CNGA4: variants seen among roughly 807,000 people sequenced by gnomAD.
CNGA4 encodes the protein cyclic nucleotide-gated channel alpha-4.
A neutral mutation model predicts 45.6 loss-of-function variants in CNGA4; 32 were observed. The ratio of observed to expected loss-of-function variants is 0.70; its 90% CI spans 0.53 to 0.94. CNGA4 has a LOEUF of 0.94. Ranked by LOEUF, CNGA4 falls within the 40% of genes least tolerant of loss-of-function variation. CNGA4 has a pLI of 0.00. For missense variants in CNGA4, 726 were observed against 755.1 expected (o/e 0.96, Z 0.45); for synonymous variants, 293 against 304.6 (o/e 0.96, Z 0.40).
In CNGA4 at chr11:6,244,201, T is replaced by A. The variant is rs777484895; in HGVS notation, c.1520T>A (p.Leu507Gln). ...GGCCTAGACCAGCAGCTGGATGATCTACAGACCAAGTTTGCTCGCCTCCTG... is the reference window on the plus strand; with the variant it reads ...GGCCTAGACCAGCAGCTGGATGATCAACAGACCAAGTTTGCTCGCCTCCTG... ...LRGLDQQLDD[L>Q]QTKFARLLAE... Residue 507 changes from leucine (L) to glutamine (Q), a missense_variant, in exon 6 of 6, where the codon CTA becomes CAA. Transcript: ENST00000379936. This position sits in a 1 kb window ranked among gnomAD's most constrained non-coding sequence, Gnocchi z 4.5. 10 of 1,614,190 alleles carry A rather than the reference T, an allele frequency of 6.2e-6. No individual in the cohort carries two copies. Among genetic ancestry groups the A allele is most frequent in the Admixed American group, 3.3e-5 (2 of 60,028 alleles).
At position 6,240,480 on chromosome 11, in the gene CNGA4, T is replaced by C. The variant is rs938566467; in HGVS notation, c.686T>C (p.Leu229Pro). Residue 229 changes from leucine to proline, a missense_variant, in exon 4 of 6, where the codon CTG (leucine) becomes CCG (proline). By Grantham distance (98) the Leu-to-Pro change is moderately conservative (BLOSUM62 -3). Coordinates refer to ENST00000379936, the MANE Select transcript of CNGA4 (RefSeq NM_001037329.4). This position sits in a 1 kb window ranked among gnomAD's most constrained non-coding sequence, Gnocchi z 4.9. Reference sequence around the variant, plus strand: ...AGCTTTTACTTCTCCACGCTGATACTGACTACAGTGGGCGATACACCGCCG... The same window carrying C: ...AGCTTTTACTTCTCCACGCTGATACCGACTACAGTGGGCGATACACCGCCG... ...LYSFYFSTLI[L>P]TTVGDTPPPA... The C allele has an allele frequency of 1.9e-6, 3 of 1,614,096 alleles. No homozygotes were observed. The African/African-American group carries it at 4.0e-5, about 22-fold the overall frequency.
At chr11:6,235,463 G>A (rs997636852), upstream of CNGA4, 1 of 985,150 alleles carries the variant, frequency 1.0e-6, no homozygotes, top group Non-Finnish European at 1.2e-6. Flanking sequence ...TTACTACGGG[G>A]GCCACCTAGG....
upstream of CNGA4, chr11:6,234,886 T>G (rs1266935378): frequency 6.5e-6 from 1 of 152,724 alleles, no homozygotes; most frequent in African/African-American, 2.4e-5. Context: ...TCAGAAGGAC[T>G]CCGGCGTGTC....
upstream of CNGA4, among the ~76,000 whole-genome samples, chr11:6,237,595 G>A (rs114017998): frequency 2.8e-3 from 427 of 151,962 alleles, 4 homozygotes; most frequent in African/African-American, 9.7e-3. Flanking sequence ...AGACAGAGGA[G>A]CTTATGAAAG....
chr11:6,241,918 A>G (rs1218547558), intron 5 of CNGA4, 138 bp downstream of exon 5: 10 of 715,224 alleles, frequency 1.4e-5, no homozygotes, highest in Admixed American at 2.7e-5. Flanking sequence ...GAGTCACTAG[A>G]TGGCTCAGGA....
rs775604668 is a variant in CNGA4 at position 6,240,694 on chromosome 11, G to A, written c.900G>A (p.Glu300=). The A allele has an allele frequency of 5.0e-6, 8 of 1,612,966 alleles. No homozygotes were observed. In the African/African-American group the frequency reaches 1.1e-4, roughly 22 times the overall value. The change falls in exon 4 of 6, where the codon GAG becomes GAA. Residue 300 remains glutamate, a synonymous_variant. Coordinates refer to ENST00000379936, the MANE Select transcript of CNGA4 (RefSeq NM_001037329.4). The surrounding 1 kb of genome is among the most constrained non-coding windows in gnomAD (Gnocchi z 4.9). ...MKLQHVNRKL[E]RRVIDWYQHL... Reference sequence around the variant, plus strand: ...TGCAGCACGTCAACCGCAAGCTGGAGCGGCGAGTTATTGACTGGTGAGAAG... The same window carrying A: ...TGCAGCACGTCAACCGCAAGCTGGAACGGCGAGTTATTGACTGGTGAGAAG...
chr11:6,243,914 C>CT (rs1564879458), intron 5 of CNGA4, 35 bp from the exon 6 acceptor site: 1 of 1,591,292 alleles, frequency 6.3e-7, no homozygotes, highest in Admixed American at 1.7e-5. Flanking sequence ...CACCCTCCTA[C>CT]TAACTGTCCT....
rs1252773175 is a variant in CNGA4 at position 6,244,396 on chromosome 11, C to G, written c.1715C>G (p.Pro572Arg). ...GGCAGGGCCAGCCAGGAGGGACCCC[C>G]AGGTCCAGAGTGACCCCATCCCCAT... is the stretch of plus-strand genomic sequence containing the variant. The part of the protein sequence containing the change: ...EEGRASQEGP[P>R]GPE The change falls in exon 6 of 6, where the codon CCA becomes CGA. Residue 572 changes from proline to arginine, a missense_variant. Coordinates refer to ENST00000379936, the MANE Select transcript of CNGA4 (RefSeq NM_001037329.4). The surrounding 1 kb of genome is among the most constrained non-coding windows in gnomAD (Gnocchi z 4.5). 10 of 1,610,962 alleles carry G rather than the reference C, an allele frequency of 6.2e-6. No homozygotes were observed. Among genetic ancestry groups the G allele is most frequent in the Non-Finnish European group, 7.6e-6 (9 of 1,178,568 alleles).
At position 6,241,986 on chromosome 11, in the gene CNGA4, A is replaced by G. The variant is rs1590653984; in HGVS notation, c.1267+206A>G. The G allele has an allele frequency of 2.0e-5, 12 of 595,886 alleles. No homozygotes were observed. The East Asian group carries it at 3.3e-4, about 17-fold the overall frequency. The allele number at this position is 595,886 out of a possible 1,614,324, so 36.9% of individuals were successfully genotyped here. ...GAAGAAGCTGAGCCAAGGCCAGTGAACAGGGTGGGTTCGTGGAAGAGAGAG... is the reference window on the plus strand; with the variant it reads ...GAAGAAGCTGAGCCAAGGCCAGTGAGCAGGGTGGGTTCGTGGAAGAGAGAG... On this transcript the variant is annotated intron_variant, in intron 5 of 5. Coordinates refer to ENST00000379936, the MANE Select transcript of CNGA4 (RefSeq NM_001037329.4).
upstream of CNGA4, among the ~76,000 whole-genome samples, chr11:6,235,114 G>A (rs1433574501): frequency 6.6e-6 from 1 of 152,234 alleles, no homozygotes; most frequent in African/African-American, 2.4e-5. Context: ...TGGAGTGGAA[G>A]AGTGGGTGTG....
At chr11:6,244,575 C>G, downstream of CNGA4, 1 of 592,366 alleles carries the variant, frequency 1.7e-6, no homozygotes, top group African/African-American at 2.0e-5. This position sits in a 1 kb window ranked among gnomAD's most constrained non-coding sequence, Gnocchi z 4.5. Flanking sequence ...ATTCAGCCCC[C>G]ACTTACCAGT....
upstream of CNGA4, among the ~76,000 whole-genome samples, chr11:6,237,062 G>A (rs756945001): frequency 2.0e-5 from 3 of 152,178 alleles, no homozygotes; most frequent in Non-Finnish European, 2.9e-5. Flanking sequence ...ACAATGTGAT[G>A]GGTAGGTTCC....
downstream of CNGA4, chr11:6,244,520 AT>A (rs1847966059): frequency 3.0e-6 from 3 of 990,370 alleles, no homozygotes. This position sits in a 1 kb window ranked among gnomAD's most constrained non-coding sequence, Gnocchi z 4.5. Flanking sequence ...ACAGGAGCGA[AT>A]TGGTCTGTAG....
upstream of CNGA4, among the ~76,000 whole-genome samples, chr11:6,237,353 A>C (rs1847851349): frequency 6.6e-6 from 1 of 152,232 alleles, no homozygotes; most frequent in Non-Finnish European, 1.5e-5. Context: ...TAATGAGCTT[A>C]GTTATAGACC....
rs1355031149 is a variant in CNGA4 at position 6,240,759 on chromosome 11, G to A, written c.917+48G>A. 5.7e-6 allele frequency: 9 copies of A among 1,571,494 alleles called. No homozygotes were observed. Among genetic ancestry groups the A allele is most frequent in the African/African-American group, 2.7e-5 (2 of 74,078 alleles). ...CAGGACAGGGACCAGTGTAGGTGAT[G>A]GAACCTGAGGGAGGTAACTGGGTCC... On this transcript the variant is annotated intron_variant, in intron 4 of 5. Transcript: ENST00000379936. The surrounding 1 kb of genome is among the most constrained non-coding windows in gnomAD (Gnocchi z 4.9).
At chr11:6,236,595 G>T (rs976085799), upstream of CNGA4, among the ~76,000 whole-genome samples, 5 of 152,224 alleles carry the variant, frequency 3.3e-5, no homozygotes. Flanking sequence ...ATTCAGGATA[G>T]TGATTATTCT....
rs146012418 is a variant in CNGA4 at position 6,244,223 on chromosome 11, C to G, written c.1542C>G (p.Leu514=). Residue 514 remains leucine, a synonymous_variant, in exon 6 of 6, where the codon CTC becomes CTG. Coordinates refer to ENST00000379936, the MANE Select transcript of CNGA4 (RefSeq NM_001037329.4). This position sits in a 1 kb window ranked among gnomAD's most constrained non-coding sequence, Gnocchi z 4.5. The stretch of plus-strand genomic sequence containing the variant: ...ATCTACAGACCAAGTTTGCTCGCCT[C>G]CTGGCTGAGCTGGAGTCCAGCGCAC... ...LDDLQTKFAR[L]LAELESSALK... is the part of the protein sequence containing the mutation. 1.1e-5 allele frequency: 17 copies of G among 1,614,100 alleles called. No homozygotes were observed. In the African/African-American group the frequency reaches 1.7e-4, roughly 16 times the overall value.
chr11:6,240,868 T>G lies in CNGA4; in HGVS notation c.917+157T>G, dbSNP rs537448001. 1.2e-4 allele frequency among the ~76,000 whole-genome samples: 18 copies of G among 152,160 alleles called. No individual in the cohort carries two copies. Among genetic ancestry groups the G allele is most frequent in the African/African-American group, 4.1e-4 (17 of 41,504 alleles). On this transcript the variant is annotated intron_variant, in intron 4 of 5. Transcript: ENST00000379936. This position sits in a 1 kb window ranked among gnomAD's most constrained non-coding sequence, Gnocchi z 4.9. ...TGGCTGGGGCTTGGAAAAAGGGAAC[T>G]TCTTTCAACTGAGGGAATCAGGACT...
At chr11:6,237,288 G>GT (rs1480393169), upstream of CNGA4, among the ~76,000 whole-genome samples, 3 of 152,254 alleles carry the variant, frequency 2.0e-5, no homozygotes, top group South Asian at 2.1e-4. Flanking sequence ...CTTGTCATAG[G>GT]TTTTTTTGCT....
Sources: gnomAD v4.1 joint callset for allele counts (sites outside exome capture counted in the v4.1 genomes callset) on GRCh38, gnomAD v4.1.1 for gene constraint, Gnocchi (gnomAD v3.1) non-coding constraint, MANE v1.5 for transcripts, NCBI Gene and HGNC (gene_info 2026-07-23, HGNC 2026-07-21) for gene names.